NLRP3: variants seen among roughly 807,000 people sequenced by gnomAD.
The protein encoded by NLRP3 is NLR family pyrin domain containing 3.
In NLRP3, 48 loss-of-function variants were observed where a neutral mutation model predicts 91.3. The ratio of observed to expected loss-of-function variants is 0.53; its 90% CI spans 0.42 to 0.67. The LOEUF is 0.67. NLRP3 is among the 30% of genes least tolerant of loss of function. NLRP3 has a pLI of 0.00. For synonymous variants in NLRP3, 561 were observed against 507.9 expected, an observed-to-expected ratio of 1.10 and a Z score of -1.41; for missense variants, 982 against 1,276.9, an observed-to-expected ratio of 0.77 and a Z score of 3.52.
At chr1:247,417,118 C>G (rs76945969) in intron 1 of NLRP3, among the ~76,000 whole-genome samples, 1,529 of 152,280 alleles carry the variant, frequency 0.01, 33 homozygotes, top group African/African-American at 0.035. Flanking sequence ...CAGTGATACA[C>G]CTGTGATAAA....
chr1:247,430,647 A>AT (rs1230802717), intron 5 of NLRP3, among the ~76,000 whole-genome samples: 1 of 152,164 alleles, frequency 6.6e-6, no homozygotes, highest in African/African-American at 2.4e-5. Flanking sequence ...CTAAAAAAAA[A>AT]GTCATTTCTT....
At chr1:247,433,093 G>T (rs1038320373) in intron 5 of NLRP3, among the ~76,000 whole-genome samples, 11 of 152,084 alleles carry the variant, frequency 7.2e-5, no homozygotes, top group Admixed American at 1.3e-4. Flanking sequence ...TGTATTTGCA[G>T]CCACTTGGGA....
At chr1:247,447,353 A>G (rs192592854) in intron 9 of NLRP3, among the ~76,000 whole-genome samples, 1 of 152,270 alleles carries the variant, frequency 6.6e-6, no homozygotes, top group African/African-American at 2.4e-5. Flanking sequence ...CTCACCCCAT[A>G]CTGAGGGCCC....
At position 247,434,264 on chromosome 1, in the gene NLRP3, A is replaced by G; in HGVS notation, c.2483A>G (p.Lys828Arg). 1.2e-6 allele frequency: 2 copies of G among 1,614,232 alleles called. No homozygotes were observed. Among genetic ancestry groups the G allele is most frequent in the Non-Finnish European group, 1.7e-6 (2 of 1,180,028 alleles). ...CTGAAGCACCTGTTGTGCAATCTGAAGAAGCTCTGGTGAGTCGAGCCCGTT... is the reference window on the plus strand; with the variant it reads ...CTGAAGCACCTGTTGTGCAATCTGAGGAAGCTCTGGTGAGTCGAGCCCGTT... Reference protein sequence around the residue: ...VGLKHLLCNLKKLWLVSCCLT... With the variant: ...VGLKHLLCNLRKLWLVSCCLT... The change falls in exon 6 of 10, where the codon AAG becomes AGG. Residue 828 changes from lysine to arginine, a missense_variant. Lys to Arg is a conservative substitution (Grantham distance 26). Around this residue, in one of 5 missense-constraint regions of NLRP3, gnomAD observed 373 missense variants for 431.5 expected, o/e 0.86. Transcript: ENST00000336119.
chr1:247,440,878 A>G (rs1279571863), intron 7 of NLRP3, among the ~76,000 whole-genome samples: 1 of 151,872 alleles, frequency 6.6e-6, no homozygotes, highest in Non-Finnish European at 1.5e-5. Flanking sequence ...CCCACTTTCT[A>G]CTATCCATCT....
chr1:247,437,857 AGCG>A (rs1009473417), intron 7 of NLRP3, among the ~76,000 whole-genome samples: 33 of 152,328 alleles, frequency 2.2e-4, no homozygotes, highest in Non-Finnish European at 4.4e-4. Flanking sequence ...TGCTCAGTGA[AGCG>A]TGGGATGGGC....
At chr1:247,428,894 T>C (rs1426129338) in intron 4 of NLRP3, among the ~76,000 whole-genome samples, 1 of 150,734 alleles carries the variant, frequency 6.6e-6, no homozygotes, top group African/African-American at 2.5e-5. Flanking sequence ...GATTTTCTTT[T>C]TCTTTTTTTT....
chr1:247,421,327 G>T (rs1246127879), intron 2 of NLRP3, among the ~76,000 whole-genome samples: 2 of 152,038 alleles, frequency 1.3e-5, no homozygotes, highest in Non-Finnish European at 2.9e-5. Flanking sequence ...GCAGCCGGGG[G>T]AGGTCAGAAA....
At position 247,443,992 on chromosome 1, in the gene NLRP3, C is replaced by T. The variant is rs756586843; in HGVS notation, c.2684C>T (p.Thr895Met). The change falls in exon 8 of 10, where the codon ACG (threonine) becomes ATG (methionine). Residue 895 changes from threonine to methionine, a missense_variant. Transcript: ENST00000336119. Reference sequence around the variant, plus strand: ...TACAGGTTGGTGAATTCTGGCCTTACGTCAGTCTGTTGTTCAGCTTTGTCC... The same window carrying T: ...TACAGGTTGGTGAATTCTGGCCTTATGTCAGTCTGTTGTTCAGCTTTGTCC... ...QKLGLVNSGL[T>M]SVCCSALSSV... The T allele has an allele frequency of 3.1e-6, 5 of 1,613,972 alleles. No homozygotes were observed. The highest frequency in any genetic ancestry group is 4.2e-6 in the Non-Finnish European group (5 of 1,179,998).
Position 247,418,642 on chromosome 1 carries a change from G to A in NLRP3, c.-159G>A, listed in dbSNP as rs200087185. ...AAATTAAAGATTTTGACTTGTTACAGTCATGTGACATTTTTTTCTTTCTGT... is the reference window on the plus strand; with the variant it reads ...AAATTAAAGATTTTGACTTGTTACAATCATGTGACATTTTTTTCTTTCTGT... On this transcript the variant is annotated 5_prime_UTR_variant, in exon 2 of 10. Transcript: ENST00000336119. 50 of 919,552 alleles carry A rather than the reference G, an allele frequency of 5.4e-5. No homozygotes were observed. In the South Asian group the frequency reaches 6.9e-4, roughly 13 times the overall value. The allele number at this position is 919,552 out of a possible 1,614,324, so 57.0% of individuals were successfully genotyped here.
rs1299635566 is a variant in NLRP3 at position 247,424,287 on chromosome 1, G to A, written c.838G>A (p.Asp280Asn). The change falls in exon 4 of 10, where the codon GAC becomes AAC. Residue 280 changes from aspartate (D) to asparagine (N), a missense_variant. Transcript: ENST00000336119. This position sits in a 1 kb window ranked among gnomAD's most constrained non-coding sequence, Gnocchi z 8.1. ...LGDLIMSCCP[D>N]PNPPIHKIVR... ...GGACCTGATCATGAGCTGCTGCCCC[G>A]ACCCAAACCCACCCATCCACAAGAT... 2 of 1,300,632 alleles carry A rather than the reference G, an allele frequency of 1.5e-6. No homozygotes were observed. The highest frequency in any genetic ancestry group is 1.5e-5 in the African/African-American group (1 of 67,252). 80.6% of individuals were successfully genotyped at this position (1,300,632 alleles called of 1,614,324 possible).
intron 4 of NLRP3, among the ~76,000 whole-genome samples, chr1:247,426,721 A>G (rs990969470): frequency 6.6e-6 from 1 of 152,158 alleles, no homozygotes; most frequent in Non-Finnish European, 1.5e-5. Context: ...ACAAGTGCAG[A>G]TGTCGGGGAG....
At position 247,418,897 on chromosome 1, in the gene NLRP3, C is replaced by A; in HGVS notation, c.97C>A (p.Gln33Lys). 1.2e-6 allele frequency: 2 copies of A among 1,614,076 alleles called. No homozygotes were observed. Among genetic ancestry groups the A allele is most frequent in the East Asian group, 2.2e-5 (1 of 44,858 alleles). The change falls in exon 2 of 10, where the codon CAG (glutamine) becomes AAG (lysine). Residue 33 changes from glutamine (Q) to lysine (K), a missense_variant. Physicochemically the swap from Gln to Lys is moderately conservative, Grantham distance 53. Around this residue, in one of 5 missense-constraint regions of NLRP3, gnomAD observed 548 missense variants for 713.7 expected, o/e 0.77. Coordinates refer to ENST00000336119, the MANE Select transcript of NLRP3 (RefSeq NM_001243133.2). ...GATGCACTTAGAGGACTATCCTCCC[C>A]AGAAGGGCTGCATCCCCCTCCCGAG... ...FKMHLEDYPP[Q>K]KGCIPLPRGQ...
chr1:247,448,553 TG>T lies in NLRP3; in HGVS notation c.*54del, dbSNP rs1490410049. 22 of 1,136,566 alleles carry T rather than the reference TG, an allele frequency of 1.9e-5. No homozygotes were observed. Among genetic ancestry groups the T allele is most frequent in the Non-Finnish European group, 2.8e-5 (21 of 743,906 alleles). 70.4% of individuals were successfully genotyped at this position (1,136,566 alleles called of 1,614,324 possible). A position where few individuals can be genotyped will look rare whatever the true frequency, so the allele number is the denominator to read the frequency against. ...GCCAGTGTTCTCCGGTCCCTCCAGC[TG>T]GGGGCCCTCAGGTGGAGAGAGCTGC... On this transcript the variant is annotated 3_prime_UTR_variant, in exon 10 of 10. Coordinates refer to ENST00000336119, the MANE Select transcript of NLRP3 (RefSeq NM_001243133.2).
At chr1:247,429,344 G>A in intron 4 of NLRP3, among the ~76,000 whole-genome samples, 1 of 152,148 alleles carries the variant, frequency 6.6e-6, no homozygotes, top group East Asian at 1.9e-4. Context: ...AGGCTGTAGG[G>A]TGCCACAGTC....
At chr1:247,427,875 G>A (rs112121462) in intron 4 of NLRP3, among the ~76,000 whole-genome samples, 1 of 51,762 alleles carries the variant, frequency 1.9e-5, no homozygotes, top group Non-Finnish European at 4.0e-5. Context: ...CCCTCTAGAT[G>A]GCACCTGCCT....
In NLRP3 at chr1:247,424,739, T is replaced by C. The variant is rs1477214821; in HGVS notation, c.1290T>C (p.Leu430=). 1 of 1,613,910 alleles carries C rather than the reference T, an allele frequency of 6.2e-7. No homozygotes were observed. The highest frequency in any genetic ancestry group is 2.2e-5 in the East Asian group (1 of 44,880). Reference sequence around the variant, plus strand: ...AGCAGATGGAGAGTGGCAAGAGCCTTGCCCAGACATCCAAGACCACCACCG... The same window carrying C: ...AGCAGATGGAGAGTGGCAAGAGCCTCGCCCAGACATCCAAGACCACCACCG... ...LKQQMESGKS[L]AQTSKTTTAV... The change falls in exon 4 of 10, where the codon CTT becomes CTC. Residue 430 remains leucine (L), a synonymous_variant. Coordinates refer to ENST00000336119, the MANE Select transcript of NLRP3 (RefSeq NM_001243133.2). This position sits in a 1 kb window ranked among gnomAD's most constrained non-coding sequence, Gnocchi z 8.1.
At chr1:247,426,010 G>A (rs924156976) in intron 4 of NLRP3, among the ~76,000 whole-genome samples, 5 of 152,194 alleles carry the variant, frequency 3.3e-5, no homozygotes, top group African/African-American at 1.2e-4. Flanking sequence ...CTCAGAGCTG[G>A]AGGCTGGGGG....
intron 7 of NLRP3, among the ~76,000 whole-genome samples, chr1:247,437,504 G>A (rs959010505): frequency 6.6e-6 from 1 of 152,118 alleles, no homozygotes; most frequent in Non-Finnish European, 1.5e-5. Context: ...TCATTTCCTC[G>A]CCTTAGGGTA....
Sources: allele counts gnomAD v4.1 joint callset (sites outside exome capture counted in the v4.1 genomes callset), GRCh38; gene constraint gnomAD v4.1.1; regional missense constraint gnomAD v4.1.1; non-coding constraint Gnocchi (gnomAD v3.1); transcripts MANE v1.5; gene names NCBI Gene and HGNC (gene_info 2026-07-23, HGNC 2026-07-21).